FAM135A: variants seen among roughly 807,000 people sequenced by gnomAD.
FAM135A encodes family with sequence similarity 135 member A.
Under a neutral mutation model 146.8 loss-of-function variants are expected in FAM135A, and 79 were observed. The observed-to-expected ratio is 0.54, with a 90% CI of 0.45 to 0.65. The LOEUF (loss-of-function observed/expected upper bound fraction) is 0.65. Ranked by LOEUF, FAM135A falls within the 30% of genes least tolerant of loss-of-function variation. The pLI, the probability that FAM135A is intolerant of heterozygous loss-of-function variation, is 0.00. For missense variants in FAM135A, 1,623 were observed against 1,758.2 expected, an observed-to-expected ratio of 0.92 and a Z score of 1.38; for synonymous variants, 562 against 603.6, an observed-to-expected ratio of 0.93 and a Z score of 1.01.
chr6:70,526,312 T>C lies in FAM135A; in HGVS notation c.3228T>C (p.Asn1076=), dbSNP rs757975683. The change falls in exon 15 of 22, where the codon AAT becomes AAC. Residue 1076 remains asparagine (N), a synonymous_variant. Coordinates refer to ENST00000418814, the MANE Select transcript of FAM135A (RefSeq NM_001162529.3). ...QKETSEKEIS[N]LQQEQDKEDE... ...AAACTTCTGAAAAAGAAATTAGTAA[T>C]CTTCAGCAGGAACAGGATAAAGAGG... The C allele has an allele frequency of 2.5e-6, 4 of 1,613,210 alleles. No individual in the cohort carries two copies. The highest frequency in any genetic ancestry group is 3.4e-6 in the Non-Finnish European group (4 of 1,179,544).
chr6:70,431,270 CTG>C lies in FAM135A; in HGVS notation c.77+2854_77+2855del, dbSNP rs536523435. The stretch of plus-strand genomic sequence containing the variant: ...TAAACATTTATTTTTGCTCCTAAGT[CTG>C]TGGATCATCTCAACGGTTCTACTGA... On this transcript the variant is annotated intron_variant, in intron 4 of 21. Transcript: ENST00000418814. 5.9e-5 allele frequency among the ~76,000 whole-genome samples: 9 copies of C among 152,296 alleles called. No homozygotes were observed. The East Asian group carries it at 1.7e-3, about 29-fold the overall frequency.
At position 70,513,314 on chromosome 6, in the gene FAM135A, G is replaced by A. The variant is rs539087507; in HGVS notation, c.1030-9199G>A. On this transcript the variant is annotated intron_variant, in intron 12 of 21. Transcript: ENST00000418814. ...AAATCAAGTGTTAACAGCTCTTTTA[G>A]AATTTGTCTAGCAGGTTTTCTGGTT... is the stretch of plus-strand genomic sequence containing the variant. 1.5e-4 allele frequency: 21 copies of A among 144,446 alleles called. No homozygotes were observed. In the East Asian group the frequency reaches 3.9e-3, roughly 27 times the overall value. 8.9% of individuals were successfully genotyped at this position (144,446 alleles called of 1,614,324 possible).
intron 5 of FAM135A, among the ~76,000 whole-genome samples, chr6:70,473,729 A>G (rs1007403466): frequency 6.6e-6 from 1 of 152,128 alleles, no homozygotes; most frequent in Admixed American, 6.5e-5. Context: ...ACTTGACCTC[A>G]GTAAGGCCTT....
At chr6:70,464,645 T>A (rs1367457211) in intron 5 of FAM135A, among the ~76,000 whole-genome samples, 1 of 144,960 alleles carries the variant, frequency 6.9e-6, no homozygotes, top group African/African-American at 2.6e-5. Context: ...TAAATTTCTT[T>A]CTTTCTTTCT....
chr6:70,532,954 G>T (rs1796109920), intron 16 of FAM135A, among the ~76,000 whole-genome samples: 1 of 151,728 alleles, frequency 6.6e-6, no homozygotes, highest in African/African-American at 2.4e-5. Context: ...AAAGAAAAAA[G>T]AAAACAAAAA....
intron 11 of FAM135A, among the ~76,000 whole-genome samples, chr6:70,491,801 C>T (rs1295208619): frequency 6.6e-6 from 1 of 151,812 alleles, no homozygotes; most frequent in Non-Finnish European, 1.5e-5. Flanking sequence ...CACTAATGTG[C>T]TTATGATAAT....
intron 5 of FAM135A, among the ~76,000 whole-genome samples, chr6:70,455,743 CAT>C (rs1778224412): frequency 6.6e-6 from 1 of 152,112 alleles, no homozygotes; most frequent in Admixed American, 6.5e-5. Flanking sequence ...AGATACTTGA[CAT>C]ATATTCCACA....
intron 4 of FAM135A, among the ~76,000 whole-genome samples, chr6:70,434,869 T>C (rs1204893796): frequency 6.6e-6 from 1 of 152,104 alleles, no homozygotes; most frequent in Non-Finnish European, 1.5e-5. Context: ...GAGTCAGAAG[T>C]TGAAAGTAGT....
chr6:70,423,981 CAG>C (rs894768287), intron 2 of FAM135A, among the ~76,000 whole-genome samples: 2 of 152,140 alleles, frequency 1.3e-5, no homozygotes, highest in African/African-American at 4.8e-5. Flanking sequence ...AACAGGAAAA[CAG>C]TAATAAAATC....
intron 11 of FAM135A, among the ~76,000 whole-genome samples, chr6:70,496,154 G>A (rs1459232100): frequency 6.6e-6 from 1 of 152,170 alleles, no homozygotes; most frequent in African/African-American, 2.4e-5. Context: ...TATAAACCCA[G>A]TAATGGAATT....
At chr6:70,450,873 C>T (rs1562444211) in intron 4 of FAM135A, among the ~76,000 whole-genome samples, 1 of 151,362 alleles carries the variant, frequency 6.6e-6, no homozygotes, top group Non-Finnish European at 1.5e-5. Context: ...TCCCTAGTAG[C>T]TGGGACCACA....
intron 4 of FAM135A, among the ~76,000 whole-genome samples, chr6:70,440,565 G>A (rs1483020209): frequency 6.6e-6 from 1 of 152,168 alleles, no homozygotes; most frequent in African/African-American, 2.4e-5. Flanking sequence ...GTGAGCACCT[G>A]TAATCCCAGC....
chr6:70,460,797 A>G (rs1779271674), intron 5 of FAM135A, among the ~76,000 whole-genome samples: 1 of 152,106 alleles, frequency 6.6e-6, no homozygotes. Flanking sequence ...CGATCTATCT[A>G]TCTATCTATC....
intron 11 of FAM135A, among the ~76,000 whole-genome samples, chr6:70,492,073 T>A (rs1235526850): frequency 6.6e-6 from 1 of 151,848 alleles, no homozygotes; most frequent in African/African-American, 2.4e-5. Context: ...AAACTTTTTT[T>A]AAAATAATGT....
intron 4 of FAM135A, among the ~76,000 whole-genome samples, chr6:70,437,214 A>G (rs1044376249): frequency 1.3e-5 from 2 of 152,156 alleles, no homozygotes; most frequent in African/African-American, 4.8e-5. Context: ...GGCTACCCAT[A>G]TGGATCTTAG....
At chr6:70,433,687 C>T (rs1772297394) in intron 4 of FAM135A, among the ~76,000 whole-genome samples, 1 of 152,240 alleles carries the variant, frequency 6.6e-6, no homozygotes, top group Admixed American at 6.5e-5. Flanking sequence ...CTCTCATCCT[C>T]TAACAGGCTA....
chr6:70,529,818 T>A (rs1170631821), intron 16 of FAM135A, among the ~76,000 whole-genome samples: 1 of 152,120 alleles, frequency 6.6e-6, no homozygotes, highest in East Asian at 1.9e-4. Context: ...ATCCCAGCAC[T>A]TTGGGAGGCT....
chr6:70,538,800 G>GTTATATTATATTATA (rs1272344414), intron 20 of FAM135A, among the ~76,000 whole-genome samples: 146 of 123,958 alleles, frequency 1.2e-3, no homozygotes, highest in Non-Finnish European at 1.9e-3. Context: ...TTCATATTAT[G>GTTATATTATATTATA]TTATGTTATA....
rs539273300 is a variant in FAM135A at position 70,500,582 on chromosome 6, A to C, written c.874-2054A>C. 3.3e-5 allele frequency among the ~76,000 whole-genome samples: 5 copies of C among 152,238 alleles called. No individual in the cohort carries two copies. In the East Asian group the frequency reaches 9.6e-4, roughly 29 times the overall value. ...CATTTTGGTTTTTGGAATTTTCAGC[A>C]CTTTTGCACTGGTTTTTCCTCATCT... On this transcript the variant is annotated intron_variant, in intron 11 of 21. Coordinates refer to ENST00000418814, the MANE Select transcript of FAM135A (RefSeq NM_001162529.3).
Sources: gnomAD v4.1 joint callset for allele counts (sites outside exome capture counted in the v4.1 genomes callset) on GRCh38, gnomAD v4.1.1 for gene constraint, MANE v1.5 for transcripts, NCBI Gene and HGNC (gene_info 2026-07-23, HGNC 2026-07-21) for gene names.